CD163L1: variants seen among roughly 807,000 people sequenced by gnomAD.
CD163L1 encodes scavenger receptor cysteine-rich type 1 protein M160.
In CD163L1, 124 loss-of-function variants were observed where a neutral mutation model predicts 165.4. The ratio of observed to expected loss-of-function variants is 0.75; its 90% CI spans 0.65 to 0.87. The LOEUF (loss-of-function observed/expected upper bound fraction) is 0.87. Among genes scored for constraint, CD163L1 ranks in the 40% least tolerant of loss-of-function variants. The probability of loss-of-function intolerance (pLI) is 0.00; values close to 1 mark genes in which losing one functional copy is unlikely to be tolerated. For missense variants in CD163L1, 1,525 were observed against 1,799.9 expected, an observed-to-expected ratio of 0.85 and a Z score of 2.76; for synonymous variants, 585 against 662.2, an observed-to-expected ratio of 0.88 and a Z score of 1.79.
At chr12:7,333,658 G>A in the CD163L1 span, among the ~76,000 whole-genome samples, 2 of 152,128 alleles carry the variant, frequency 1.3e-5, no homozygotes, top group Non-Finnish European at 2.9e-5. Flanking sequence ...AACTGAAGGA[G>A]ATAGAGACTC....
At chr12:7,443,562 T>G (rs911545529) in intron 1 of CD163L1, among the ~76,000 whole-genome samples, 1 of 152,220 alleles carries the variant, frequency 6.6e-6, no homozygotes, top group African/African-American at 2.4e-5. Flanking sequence ...TTTATTTGCT[T>G]TATTAAAATT....
the CD163L1 span, among the ~76,000 whole-genome samples, chr12:7,333,374 C>T: frequency 1.1e-4 from 17 of 152,288 alleles, no homozygotes; most frequent in East Asian, 3.3e-3. Flanking sequence ...ACTGAACAAC[C>T]TGCTCCTGAA....
In CD163L1 at chr12:7,363,790, G is replaced by GAAA. The variant is rs55888642; in HGVS notation, c.4279+3443_4279+3445dup. On this transcript the variant is annotated intron_variant, in intron 18 of 19. Transcript: ENST00000313599. ...GAGATCAAAGCCATAATAATAATAAGAAAAAAAAAAACCTCTCACTAAAGA... is the reference window on the plus strand; with the variant it reads ...GAGATCAAAGCCATAATAATAATAAGAAAAAAAAAAAAAACCTCTCACTAAAGA... 6.1e-5 allele frequency among the ~76,000 whole-genome samples: 9 copies of GAAA among 146,858 alleles called. 1 individual carries two copies. The highest frequency in any genetic ancestry group is 7.1e-3 in the Middle Eastern group (2 of 282).
intron 8 of CD163L1, 133 bp from the exon 9 acceptor site, chr12:7,379,431 T>C: frequency 1.3e-6 from 1 of 796,676 alleles, no homozygotes; most frequent in Non-Finnish European, 1.9e-6. Context: ...GCTTCACCAG[T>C]GTTTAATTTT....
chr12:7,358,268 A>C (rs1029773388), intron 18 of CD163L1, among the ~76,000 whole-genome samples: 1 of 151,762 alleles, frequency 6.6e-6, no homozygotes, highest in Non-Finnish European at 1.5e-5. Context: ...AGTGTTAAAA[A>C]CTCCAGTGGA....
the CD163L1 span, among the ~76,000 whole-genome samples, chr12:7,321,454 G>A: frequency 6.6e-6 from 1 of 152,190 alleles, no homozygotes; most frequent in Non-Finnish European, 1.5e-5. Flanking sequence ...CCAAAGTGTG[G>A]TTGCCCAAGA....
intron 18 of CD163L1, among the ~76,000 whole-genome samples, chr12:7,366,995 C>T (rs1947035184): frequency 6.6e-6 from 1 of 152,102 alleles, no homozygotes; most frequent in African/African-American, 2.4e-5. Context: ...GTCTTCTTTG[C>T]TTGGTGCCTC....
intron 4 of CD163L1, among the ~76,000 whole-genome samples, chr12:7,409,932 A>G (rs1353327061): frequency 6.6e-6 from 1 of 152,206 alleles, no homozygotes; most frequent in Non-Finnish European, 1.5e-5. Context: ...GGAAAAAAAG[A>G]CACAATCAAC....
chr12:7,364,820 T>TAGATGG (rs985489830), intron 18 of CD163L1, among the ~76,000 whole-genome samples: 17 of 152,020 alleles, frequency 1.1e-4, no homozygotes, highest in Admixed American at 1.1e-3. Context: ...TTCATGCTCA[T>TAGATGG]AGATGGAAAG....
intron 8 of CD163L1, among the ~76,000 whole-genome samples, chr12:7,382,988 G>C (rs1947443451): frequency 6.6e-6 from 1 of 152,148 alleles, no homozygotes; most frequent in South Asian, 2.1e-4. Context: ...AAAGAGAGCT[G>C]AAGCATCTCC....
At chr12:7,402,703 AC>A (rs755329437) in intron 6 of CD163L1, among the ~76,000 whole-genome samples, 22 of 151,580 alleles carry the variant, frequency 1.5e-4, no homozygotes, top group Non-Finnish European at 2.7e-4. Context: ...TGACCCAATC[AC>A]GGCTCACTGC....
At chr12:7,443,551 A>C (rs1386956773) in intron 1 of CD163L1, among the ~76,000 whole-genome samples, 1 of 152,088 alleles carries the variant, frequency 6.6e-6, no homozygotes, top group Admixed American at 6.5e-5. Context: ...ATGTCTTCTT[A>C]TTTATTTGCT....
At chr12:7,364,897 A>T (rs1452780178) in intron 18 of CD163L1, among the ~76,000 whole-genome samples, 1 of 152,142 alleles carries the variant, frequency 6.6e-6, no homozygotes, top group East Asian at 1.9e-4. Context: ...AACACTAATG[A>T]CATTTTTCAC....
chr12:7,380,730 G>T (rs1947389037), intron 8 of CD163L1, among the ~76,000 whole-genome samples: 1 of 151,880 alleles, frequency 6.6e-6, no homozygotes, highest in Non-Finnish European at 1.5e-5. Context: ...CAAAACTAAA[G>T]AACTTACTCA....
rs1270129856 is a variant in CD163L1 at position 7,421,574 on chromosome 12, CATGTACAT to C, written c.766+10834_766+10841del. Among the ~76,000 whole-genome samples, 189 of 118,984 alleles carry C rather than the reference CATGTACAT, an allele frequency of 1.6e-3. 5 individuals are homozygous for C. Among genetic ancestry groups the C allele is most frequent in the Middle Eastern group, 6.3e-3 (1 of 160 alleles). 78.1% of individuals were successfully genotyped at this position (118,984 alleles called of 152,430 possible). A position where few individuals can be genotyped will look rare whatever the true frequency, so the allele number is the denominator to read the frequency against. On this transcript the variant is annotated intron_variant, in intron 4 of 19. Coordinates refer to ENST00000313599, the MANE Select transcript of CD163L1 (RefSeq NM_174941.6). ...ACATATACATATATGTACATATATA[CATGTACAT>C]ATATACATATACATATATGTACACA...
chr12:7,335,900 T>G, the CD163L1 span, among the ~76,000 whole-genome samples: 1 of 146,722 alleles, frequency 6.8e-6, no homozygotes, highest in Non-Finnish European at 1.5e-5. Context: ...AAAAAACACA[T>G]GAAAAAATGC....
Position 7,432,824 on chromosome 12 carries a change from T to C in CD163L1, c.446-88A>G. On this transcript the variant is annotated intron_variant, in intron 3 of 19. Coordinates refer to ENST00000313599, the MANE Select transcript of CD163L1 (RefSeq NM_174941.6). The surrounding 1 kb of genome is among the most constrained non-coding windows in gnomAD (Gnocchi z 4.2). The stretch of plus-strand genomic sequence containing the variant: ...AAAGGATACGTAGAAGACAGCCCTG[T>C]TATGAATGAAGTTACCAAAAATTAA... The C allele has an allele frequency of 8.8e-7, 1 of 1,140,470 alleles. No homozygotes were observed. Among genetic ancestry groups the C allele is most frequent in the East Asian group, 2.4e-5 (1 of 41,202 alleles). The allele number at this position is 1,140,470 out of a possible 1,614,324, so 70.6% of individuals were successfully genotyped here. A position where few individuals can be genotyped will look rare whatever the true frequency, so the allele number is the denominator to read the frequency against.
chr12:7,432,784 C>T lies in CD163L1; in HGVS notation c.446-48G>A. 2.0e-6 allele frequency: 3 copies of T among 1,480,056 alleles called. No individual in the cohort carries two copies. Among genetic ancestry groups the T allele is most frequent in the South Asian group, 2.7e-5 (2 of 74,946 alleles). The allele number at this position is 1,480,056 out of a possible 1,614,324, so 91.7% of individuals were successfully genotyped here. The stretch of plus-strand genomic sequence containing the variant: ...TATGAAAAACTGATTCAACTTTGAG[C>T]CTGAAATAAAATCAAAAGGATACGT... On this transcript the variant is annotated intron_variant, in intron 3 of 19. Transcript: ENST00000313599. The surrounding 1 kb of genome is among the most constrained non-coding windows in gnomAD (Gnocchi z 4.2).
intron 8 of CD163L1, among the ~76,000 whole-genome samples, chr12:7,388,568 C>T (rs1470292744): frequency 4.6e-5 from 7 of 151,938 alleles, no homozygotes; most frequent in Admixed American, 1.3e-4. Context: ...CACGGTGAAA[C>T]CCCATCTCTA....
Sources: gnomAD v4.1 joint callset for allele counts (sites outside exome capture counted in the v4.1 genomes callset) on GRCh38, gnomAD v4.1.1 for gene constraint, Gnocchi (gnomAD v3.1) non-coding constraint, MANE v1.5 for transcripts, NCBI Gene and HGNC (gene_info 2026-07-23, HGNC 2026-07-21) for gene names.